Variants in PFKP observed in about 807,000 individuals in gnomAD.
PFKP encodes phosphofructokinase, platelet.
Under a neutral mutation model 94.3 loss-of-function variants are expected in PFKP, and 101 were observed. That is an observed-to-expected ratio of 1.07 (90% CI 0.91 to 1.26). The LOEUF (loss-of-function observed/expected upper bound fraction) is 1.26. Among genes scored for constraint, PFKP ranks in the 50% most tolerant of loss-of-function variants. PFKP has a pLI of 0.00. For synonymous variants in PFKP, 573 were observed against 432.6 expected (o/e 1.32, Z -4.03); for missense variants, 1,145 against 1,103.3 (o/e 1.04, Z -0.53).
chr10:3,114,181 G>A (rs139418797), intron 13 of PFKP, among the ~76,000 whole-genome samples: 2 of 145,268 alleles, frequency 1.4e-5, no homozygotes, highest in East Asian at 2.0e-4. Flanking sequence ...ACGAAGTCTC[G>A]CTCTGTTGCC....
In PFKP at chr10:3,130,131, C is replaced by T. The variant is rs370736745; in HGVS notation, c.1848+148C>T. 9.2e-5 allele frequency: 64 copies of T among 697,704 alleles called. No individual in the cohort carries two copies. The East Asian group carries it at 1.6e-3, about 17-fold the overall frequency. The allele number at this position is 697,704 out of a possible 1,614,324, so 43.2% of individuals were successfully genotyped here. Reference sequence around the variant, plus strand: ...ATGCCACGCTTGATACACTTCGCATCGCCCAGGTGCCCCTACTGCGTGTCA... The same window carrying T: ...ATGCCACGCTTGATACACTTCGCATTGCCCAGGTGCCCCTACTGCGTGTCA... On this transcript the variant is annotated intron_variant, in intron 17 of 21. Coordinates refer to ENST00000381125, the MANE Select transcript of PFKP (RefSeq NM_002627.5).
At chr10:3,105,671 A>C (rs182207560) in intron 7 of PFKP, among the ~76,000 whole-genome samples, 170 bp downstream of exon 7, 1 of 152,100 alleles carries the variant, frequency 6.6e-6, no homozygotes, top group African/African-American at 2.4e-5. Flanking sequence ...GTTTTCCTCT[A>C]TGAAGGCTGA....
chr10:3,136,577 T>C lies in PFKP; in HGVS notation c.2353T>C (p.Ter785ArgextTer20). The C allele has an allele frequency of 6.2e-7, 1 of 1,613,068 alleles. No individual in the cohort carries two copies. The highest frequency in any genetic ancestry group is 1.7e-4 in the Middle Eastern group (1 of 6,052). Residue 785 changes from the stop codon to arginine, a stop_lost, in exon 22 of 22, where the codon TGA (stop) becomes CGA (arginine). Transcript: ENST00000381125. ...QLEHVQPWSV[*>R] ...GGAACATGTGCAGCCCTGGAGTGTC[T>C]GACCCAGTCCCGCCTGCATGTGCCT...
intron 2 of PFKP, among the ~76,000 whole-genome samples, chr10:3,083,228 A>T (rs1833226428): frequency 6.6e-6 from 1 of 152,228 alleles, no homozygotes; most frequent in Admixed American, 6.5e-5. Context: ...CATTCATGTA[A>T]GGTGGAAACG....
intron 10 of PFKP, among the ~76,000 whole-genome samples, chr10:3,110,205 AATTT>A (rs546007892): frequency 1.1e-4 from 16 of 151,810 alleles, no homozygotes; most frequent in African/African-American, 2.9e-4. Flanking sequence ...TTAATTAATT[AATTT>A]ATTTATTTAG....
At chr10:3,093,573 G>A (rs996357444) in intron 2 of PFKP, among the ~76,000 whole-genome samples, 4 of 151,174 alleles carry the variant, frequency 2.6e-5, no homozygotes, top group South Asian at 2.1e-4. Flanking sequence ...CCTGCCTATC[G>A]TTGGAACATT....
chr10:3,128,073 T>C (rs923351043), intron 16 of PFKP, among the ~76,000 whole-genome samples: 1 of 151,618 alleles, frequency 6.6e-6, no homozygotes, highest in Non-Finnish European at 1.5e-5. Flanking sequence ...CATTAGGGAA[T>C]CCTGCAGGAT....
chr10:3,115,946 C>T (rs1054894230), intron 13 of PFKP, among the ~76,000 whole-genome samples: 3 of 152,156 alleles, frequency 2.0e-5, no homozygotes, highest in South Asian at 2.1e-4. Flanking sequence ...CCCATCCACC[C>T]GCATCTCAGC....
In PFKP at chr10:3,103,234, C is replaced by G. The variant is rs910234743; in HGVS notation, c.455-545C>G. Among the ~76,000 whole-genome samples, 23 of 152,208 alleles carry G rather than the reference C, an allele frequency of 1.5e-4. No individual in the cohort carries two copies. In the East Asian group the frequency reaches 2.5e-3, roughly 17 times the overall value. ...AATGTGGATCCTTTCTTTTATTTTT[C>G]TAATCCACTGCTCTTGTCTAAGTGC... On this transcript the variant is annotated intron_variant, in intron 4 of 21. Transcript: ENST00000381125.
chr10:3,081,022 CAGT>C (rs974628125), intron 1 of PFKP, among the ~76,000 whole-genome samples: 9 of 152,156 alleles, frequency 5.9e-5, no homozygotes, highest in Admixed American at 2.0e-4. Flanking sequence ...ACTAGTTAAT[CAGT>C]AGGTCATTCG....
intron 13 of PFKP, among the ~76,000 whole-genome samples, chr10:3,114,520 G>A (rs1461553117): frequency 2.0e-5 from 3 of 152,262 alleles, no homozygotes; most frequent in Non-Finnish European, 2.9e-5. Context: ...CTCTGGTTCC[G>A]TGGAGACTGC....
At position 3,108,709 on chromosome 10, in the gene PFKP, C is replaced by T. The variant is rs764614903; in HGVS notation, c.879C>T (p.Val293=). 5 of 1,613,588 alleles carry T rather than the reference C, an allele frequency of 3.1e-6. No homozygotes were observed. The highest frequency in any genetic ancestry group is 1.1e-5 in the South Asian group (1 of 91,078). ...ITSEKIKELV[V]TQLGYDTRVT... Reference sequence around the variant, plus strand: ...GAGATGTTTCCTTGCAGCTTGTCGTCACGCAGCTGGGCTATGACACACGTG... The same window carrying T: ...GAGATGTTTCCTTGCAGCTTGTCGTTACGCAGCTGGGCTATGACACACGTG... The change falls in exon 9 of 22, where the codon GTC becomes GTT. Residue 293 remains valine (V), a synonymous_variant. Transcript: ENST00000381125.
chr10:3,100,867 A>AAAAAAAAAAAAAT, intron 3 of PFKP: 1 of 470,714 alleles, frequency 2.1e-6, no homozygotes. Flanking sequence ...TGGTGCAAAA[A>AAAAAAAAAAAAAT]AAAAAAAAAA....
In PFKP at chr10:3,125,214, C is replaced by G. The variant is rs747784420; in HGVS notation, c.1684-4605C>G. 4 of 1,346,618 alleles carry G rather than the reference C, an allele frequency of 3.0e-6. No homozygotes were observed. The South Asian group carries it at 3.6e-5, about 12-fold the overall frequency. 83.4% of individuals were successfully genotyped at this position (1,346,618 alleles called of 1,614,324 possible). A position where few individuals can be genotyped will look rare whatever the true frequency, so the allele number is the denominator to read the frequency against. ...CAATGTCCCAGGCACAGAAATAAGC[C>G]TGGGCTCCGACACTGGCCTGAATGC... On this transcript the variant is annotated intron_variant, in intron 16 of 21. Coordinates refer to ENST00000381125, the MANE Select transcript of PFKP (RefSeq NM_002627.5).
chr10:3,132,132 ACT>A (rs1253410583), intron 17 of PFKP, among the ~76,000 whole-genome samples: 1 of 152,004 alleles, frequency 6.6e-6, no homozygotes, highest in Non-Finnish European at 1.5e-5. Flanking sequence ...GACCCTGTTG[ACT>A]CTGGAAGGTG....
chr10:3,070,917 A>G (rs1276120554), intron 1 of PFKP, among the ~76,000 whole-genome samples: 2 of 151,628 alleles, frequency 1.3e-5, no homozygotes, highest in East Asian at 1.9e-4. Flanking sequence ...TATTATTATT[A>G]TTATTATTTT....
At chr10:3,130,808 C>T (rs1263975718) in intron 17 of PFKP, among the ~76,000 whole-genome samples, 6 of 152,264 alleles carry the variant, frequency 3.9e-5, no homozygotes, top group South Asian at 2.1e-4. Context: ...CTGCCCACCT[C>T]GGCCTCCCAA....
chr10:3,102,187 C>T lies in PFKP; in HGVS notation c.454+633C>T, dbSNP rs754621667. Among the ~76,000 whole-genome samples the T allele has an allele frequency of 7.2e-3, 925 of 128,820 alleles. 10 individuals are homozygous for T. The highest frequency in any genetic ancestry group is 0.011 in the Non-Finnish European group (658 of 62,102). The allele number at this position is 128,820 out of a possible 152,430, so 84.5% of individuals were successfully genotyped here. On this transcript the variant is annotated intron_variant, in intron 4 of 21. Transcript: ENST00000381125. ...AATGGCGTGAACCCGGGAGGCGGAG[C>T]TTGCAGTGAGCCGAGGTCCCGCCAC...
Position 3,109,567 on chromosome 10 carries a change from C to G in PFKP, c.1089+87C>G, listed in dbSNP as rs1247694750. 12 of 1,494,478 alleles carry G rather than the reference C, an allele frequency of 8.0e-6. No homozygotes were observed. The Admixed American group carries it at 1.5e-4, about 19-fold the overall frequency. 92.6% of individuals were successfully genotyped at this position (1,494,478 alleles called of 1,614,324 possible). A position where few individuals can be genotyped will look rare whatever the true frequency, so the allele number is the denominator to read the frequency against. ...AGGCCAGCCTGGGCACCTTGGGTGT[C>G]TCGTCGGTGCACGATGCATTACACG... On this transcript the variant is annotated intron_variant, in intron 10 of 21. Coordinates refer to ENST00000381125, the MANE Select transcript of PFKP (RefSeq NM_002627.5).
Sources: gnomAD v4.1 joint callset for allele counts (sites outside exome capture counted in the v4.1 genomes callset) on GRCh38, gnomAD v4.1.1 for gene constraint, MANE v1.5 for transcripts, NCBI Gene and HGNC (gene_info 2026-07-23, HGNC 2026-07-21) for gene names.